Variants in CCDC171 observed in about 807,000 individuals in gnomAD.
CCDC171 encodes the protein coiled-coil domain-containing protein 171.
A neutral mutation model predicts 168.2 loss-of-function variants in CCDC171; 177 were observed. That is an observed-to-expected ratio of 1.05 (90% CI 0.93 to 1.19). The LOEUF (loss-of-function observed/expected upper bound fraction) is 1.19. CCDC171 is among the 50% of genes most tolerant of loss of function. The pLI, the probability that CCDC171 is intolerant of heterozygous loss-of-function variation, is 0.00. For missense variants in CCDC171, 1,991 were observed against 1,539.0 expected, an observed-to-expected ratio of 1.29 and a Z score of -4.91; for synonymous variants, 687 against 540.8, an observed-to-expected ratio of 1.27 and a Z score of -3.75.
chr9:15,561,107 C>T (rs1586962241), intron 1 of CCDC171, among the ~76,000 whole-genome samples: 1 of 152,118 alleles, frequency 6.6e-6, no homozygotes, highest in East Asian at 1.9e-4. Flanking sequence ...TCCTATTTGG[C>T]CATCTTGGAA....
intron 7 of CCDC171, among the ~76,000 whole-genome samples, chr9:15,627,606 G>C (rs1315234563): frequency 4.6e-5 from 7 of 152,180 alleles, no homozygotes; most frequent in Non-Finnish European, 7.3e-5. Flanking sequence ...AGGTTGTTCA[G>C]TTTCCACGTA....
intron 21 of CCDC171, 92 bp from the exon 22 acceptor site, chr9:15,846,610 A>C (rs1588825061): frequency 1.5e-6 from 2 of 1,308,446 alleles, no homozygotes; most frequent in Admixed American, 4.4e-5. Context: ...CTTCTCAGTC[A>C]GTCTGTATTC....
At chr9:15,828,389 G>C (rs188847962) in intron 21 of CCDC171, among the ~76,000 whole-genome samples, 15 of 151,734 alleles carry the variant, frequency 9.9e-5, no homozygotes, top group Admixed American at 9.2e-4. Context: ...TTGAGAAAGT[G>C]TTCAGTAACA....
chr9:15,916,740 A>G (rs886380672), intron 24 of CCDC171, among the ~76,000 whole-genome samples: 3 of 152,082 alleles, frequency 2.0e-5, no homozygotes, highest in Non-Finnish European at 4.4e-5. Flanking sequence ...ACACTTTTAA[A>G]AAATGGATAG....
chr9:15,930,737 C>G (rs1388903452), intron 25 of CCDC171, among the ~76,000 whole-genome samples: 3 of 151,636 alleles, frequency 2.0e-5, no homozygotes, highest in Non-Finnish European at 4.4e-5. Context: ...GAAGTCTTCC[C>G]TCACACTATA....
At chr9:15,984,406 A>G (rs1831913792) in intron 3 of CCDC171, among the ~76,000 whole-genome samples, 1 of 145,622 alleles carries the variant, frequency 6.9e-6, no homozygotes, top group African/African-American at 2.6e-5. Context: ...ATGTATATAT[A>G]TGAGTGTGTG....
At chr9:15,699,925 G>A (rs2051567168) in intron 11 of CCDC171, among the ~76,000 whole-genome samples, 1 of 152,216 alleles carries the variant, frequency 6.6e-6, no homozygotes, top group Non-Finnish European at 1.5e-5. Context: ...TATTCCCTGA[G>A]CTAGACATAA....
At chr9:15,558,736 G>T (rs922566348) in intron 1 of CCDC171, among the ~76,000 whole-genome samples, 1 of 152,048 alleles carries the variant, frequency 6.6e-6, no homozygotes, top group Admixed American at 6.6e-5. Context: ...ATCTCCTTCA[G>T]TTCTGCTCTG....
intron 18 of CCDC171, among the ~76,000 whole-genome samples, chr9:15,757,521 G>A (rs1183045706): frequency 1.3e-5 from 2 of 152,176 alleles, no homozygotes; most frequent in African/African-American, 4.8e-5. Flanking sequence ...TTCAGAGAAT[G>A]TGCAGCCTGA....
intron 1 of CCDC171, among the ~76,000 whole-genome samples, chr9:15,559,879 C>G (rs918020956): frequency 3.9e-5 from 6 of 152,042 alleles, no homozygotes; most frequent in African/African-American, 1.4e-4. Flanking sequence ...CCGGTTGTTC[C>G]TTTCCATGTT....
chr9:16,055,553 T>A (rs1408696038), intron 1 of CCDC171, among the ~76,000 whole-genome samples: 1 of 152,242 alleles, frequency 6.6e-6, no homozygotes, highest in Non-Finnish European at 1.5e-5. Context: ...GCAACGCCGC[T>A]GGGCCCTGTG....
At chr9:15,611,537 G>C (rs973292649) in intron 6 of CCDC171, among the ~76,000 whole-genome samples, 1 of 152,130 alleles carries the variant, frequency 6.6e-6, no homozygotes, top group Admixed American at 6.6e-5. Context: ...TATGAGTGTA[G>C]GAGTCAGTGC....
intron 1 of CCDC171, among the ~76,000 whole-genome samples, chr9:15,553,948 G>A (rs1182728334): frequency 1.3e-5 from 2 of 151,892 alleles, no homozygotes; most frequent in African/African-American, 4.8e-5. Context: ...TTGGTGTCCA[G>A]CTCTTTTGAA....
chr9:15,572,486 T>C (rs879571976), intron 3 of CCDC171, among the ~76,000 whole-genome samples: 1 of 152,202 alleles, frequency 6.6e-6, no homozygotes, highest in African/African-American at 2.4e-5. Flanking sequence ...TGGTTTCTCA[T>C]TGTGAACTGC....
intron 3 of CCDC171, among the ~76,000 whole-genome samples, chr9:15,576,462 G>T (rs1366584509): frequency 6.6e-6 from 1 of 151,984 alleles, no homozygotes; most frequent in Non-Finnish European, 1.5e-5. Flanking sequence ...TGCTGGGATT[G>T]CAGGAGTGAG....
At chr9:16,065,090 A>G (rs1230999394), downstream of CCDC171, among the ~76,000 whole-genome samples, 2 of 152,164 alleles carry the variant, frequency 1.3e-5, no homozygotes, top group Admixed American at 6.5e-5. Flanking sequence ...GGCTGCCTCT[A>G]CCTTGTAAAA....
chr9:15,728,645 C>T (rs1041359437), intron 15 of CCDC171, among the ~76,000 whole-genome samples: 1 of 151,972 alleles, frequency 6.6e-6, no homozygotes, highest in Non-Finnish European at 1.5e-5. Context: ...AATCAGTCTC[C>T]AACAAATGTT....
At chr9:15,600,178 G>C (rs2042725564) in intron 6 of CCDC171, among the ~76,000 whole-genome samples, 2 of 152,196 alleles carry the variant, frequency 1.3e-5, no homozygotes, top group Admixed American at 1.3e-4. Flanking sequence ...TTTTGCTGGT[G>C]AGGAGCTGTG....
At chr9:15,677,885 T>TATATATAC (rs1345435442) in intron 9 of CCDC171, among the ~76,000 whole-genome samples, 11 of 12,384 alleles carry the variant, frequency 8.9e-4, no homozygotes, top group African/African-American at 3.0e-3. Context: ...GTGTCATATA[T>TATATATAC]ATATATATAT....
Sources: gnomAD v4.1 joint callset for allele counts (sites outside exome capture counted in the v4.1 genomes callset) on GRCh38, gnomAD v4.1.1 for gene constraint, MANE v1.5 for transcripts, NCBI Gene and HGNC (gene_info 2026-07-23, HGNC 2026-07-21) for gene names.